The following GATA4 variants were observed in gnomAD, a reference collection of about 807,000 sequenced individuals.
The protein encoded by GATA4 is GATA binding protein 4, also known as transcription factor GATA-4.
In GATA4, 7 loss-of-function variants were observed where a neutral mutation model predicts 37.9. That is an observed-to-expected ratio of 0.18 (90% CI 0.11 to 0.35). The LOEUF is 0.35. GATA4 is among the 10% of genes least tolerant of loss of function. The pLI is 1.00. For missense variants in GATA4, 647 were observed against 653.0 expected, an observed-to-expected ratio of 0.99 and a Z score of 0.10; for synonymous variants, 372 against 292.6, an observed-to-expected ratio of 1.27 and a Z score of -2.77.
At chr8:11,704,541 A>G (rs553544433) in intron 1 of GATA4, among the ~76,000 whole-genome samples, 1 of 152,318 alleles carries the variant, frequency 6.6e-6, no homozygotes, top group African/African-American at 2.4e-5. Flanking sequence ...GCGCCTTTGG[A>G]TTCTTTCCGT....
intron 2 of GATA4, among the ~76,000 whole-genome samples, chr8:11,739,920 G>A (rs937645566): frequency 2.0e-5 from 3 of 152,194 alleles, no homozygotes; most frequent in Admixed American, 6.5e-5. Flanking sequence ...TGTGCCACCT[G>A]CCCCTTGCTC....
intron 1 of GATA4, chr8:11,706,097 T>A (rs991127951): frequency 1.3e-5 from 2 of 152,340 alleles, no homozygotes; most frequent in Non-Finnish European, 1.5e-5. Flanking sequence ...GGTCAATTTT[T>A]AAAAAAATCT....
chr8:11,706,571 A>G lies in GATA4; in HGVS notation c.-457-1285A>G, dbSNP rs116396252. 5.4e-3 allele frequency among the ~76,000 whole-genome samples: 817 copies of G among 152,360 alleles called. 13 individuals are homozygous for G. Among genetic ancestry groups the G allele is most frequent in the African/African-American group, 0.018 (766 of 41,586 alleles). On this transcript the variant is annotated intron_variant, in intron 1 of 6. Transcript: ENST00000532059. ...AGGAAACTAAGGCACAGAGAGGCTAAGTAATTTGTCTAAAGGTGTTTATTC... is the reference window on the plus strand; with the variant it reads ...AGGAAACTAAGGCACAGAGAGGCTAGGTAATTTGTCTAAAGGTGTTTATTC...
intron 2 of GATA4, among the ~76,000 whole-genome samples, chr8:11,710,264 G>A (rs1303414010): frequency 2.0e-5 from 3 of 152,128 alleles, no homozygotes; most frequent in Admixed American, 2.0e-4. Flanking sequence ...CACCCCTCTT[G>A]GGGGAGCCAG....
Position 11,730,938 on chromosome 8 carries a change from C to T in GATA4, c.617-17978C>T, listed in dbSNP as rs78693845. ...AGCTCACATTTCAGGGCATGTGGCC[C>T]AGTGCCCACTGAGGTGCAGCCCGCG... On this transcript the variant is annotated intron_variant, in intron 2 of 6. Coordinates refer to ENST00000532059, the MANE Select transcript of GATA4 (RefSeq NM_001308093.3). 6.6e-3 allele frequency among the ~76,000 whole-genome samples: 1,005 copies of T among 152,340 alleles called. 16 individuals carry two copies. The highest frequency in any genetic ancestry group is 0.023 in the African/African-American group (972 of 41,574).
At chr8:11,743,022 C>T (rs927194873) in intron 2 of GATA4, among the ~76,000 whole-genome samples, 14 of 152,228 alleles carry the variant, frequency 9.2e-5, no homozygotes, top group Middle Eastern at 3.2e-3. Flanking sequence ...ATCTCCTTGG[C>T]CCCCTCTGGC....
intron 2 of GATA4, among the ~76,000 whole-genome samples, chr8:11,741,956 G>A (rs1357649452): frequency 1.3e-5 from 2 of 152,138 alleles, no homozygotes; most frequent in Non-Finnish European, 2.9e-5. Flanking sequence ...GCTGGCCTGC[G>A]GTTAAGAGAC....
chr8:11,728,013 G>A (rs1801017598), intron 2 of GATA4, among the ~76,000 whole-genome samples: 1 of 152,148 alleles, frequency 6.6e-6, no homozygotes, highest in African/African-American at 2.4e-5. Context: ...ATTTAGAGAT[G>A]GAGTTTCACG....
upstream of GATA4, among the ~76,000 whole-genome samples, chr8:11,702,749 G>C (rs1799724727): frequency 6.6e-6 from 1 of 152,136 alleles, no homozygotes; most frequent in Admixed American, 6.5e-5. This position sits in a 1 kb window ranked among gnomAD's most constrained non-coding sequence, Gnocchi z 4.4. Context: ...CCGGGGTCTA[G>C]AGGGGCGGCT....
chr8:11,736,964 T>C (rs184255733), intron 2 of GATA4, among the ~76,000 whole-genome samples: 1 of 150,116 alleles, frequency 6.7e-6, no homozygotes, highest in East Asian at 1.9e-4. Context: ...ATTCTTATTT[T>C]TTGTTTTGTT....
chr8:11,743,726 G>C (rs149925195), intron 2 of GATA4, among the ~76,000 whole-genome samples: 1 of 152,328 alleles, frequency 6.6e-6, no homozygotes, highest in African/African-American at 2.4e-5. Context: ...CTCTGGCTGC[G>C]TCAGTTCTTT....
chr8:11,681,141 A>C (rs1186372065), intron 1 of GATA4: 1 of 984,826 alleles, frequency 1.0e-6, no homozygotes, highest in Non-Finnish European at 1.2e-6. Context: ...AGCCCAGGGA[A>C]TCTCCAGCTC....
chr8:11,701,264 A>T (rs1018242955), upstream of GATA4, among the ~76,000 whole-genome samples: 8 of 147,560 alleles, frequency 5.4e-5, no homozygotes, highest in Non-Finnish European at 8.9e-5. Flanking sequence ...AAAAAAAAAA[A>T]GTCAAAGACG....
chr8:11,756,726 C>G, intron 5 of GATA4: 1 of 634,742 alleles, frequency 1.6e-6, no homozygotes, highest in Non-Finnish European at 2.8e-6. Context: ...GCCTGAAACA[C>G]ACGTGGCCTC....
At position 11,749,133 on chromosome 8, in the gene GATA4, C is replaced by G. The variant is rs1385611642; in HGVS notation, c.786+48C>G. ...CCTCTGGGCACCTGGCTGCGGAGCT[C>G]TCGCCTTGGTGGGACATCCTCTGGT... On this transcript the variant is annotated intron_variant, in intron 3 of 6. Transcript: ENST00000532059. This position sits in a 1 kb window ranked among gnomAD's most constrained non-coding sequence, Gnocchi z 4.6. The G allele has an allele frequency of 6.3e-7, 1 of 1,598,240 alleles. No homozygotes were observed. Among genetic ancestry groups the G allele is most frequent in the Non-Finnish European group, 8.6e-7 (1 of 1,169,584 alleles).
chr8:11,698,397 G>A (rs151075437), intron 1 of GATA4, among the ~76,000 whole-genome samples: 119 of 152,284 alleles, frequency 7.8e-4, no homozygotes, highest in African/African-American at 2.8e-3. Flanking sequence ...CAGTCAATGG[G>A]AAATGAATGA....
Position 11,708,844 on chromosome 8 carries a change from G to GCCGCCT in GATA4, c.538_543dup (p.Ser180_Ala181dup), listed in dbSNP as rs1800026723. ...GGGCGCGTCCTGGGCCGCAGCCGCC[G>GCCGCCT]CCGCCTCCGCCGGCCCCTTCGACAG... is the stretch of plus-strand genomic sequence containing the variant. On this transcript the variant is annotated inframe_insertion, in exon 2 of 7. Coordinates refer to ENST00000532059, the MANE Select transcript of GATA4 (RefSeq NM_001308093.3). This position sits in a 1 kb window ranked among gnomAD's most constrained non-coding sequence, Gnocchi z 6.7. 1.3e-6 allele frequency: 2 copies of GCCGCCT among 1,497,508 alleles called. No individual in the cohort carries two copies. The highest frequency in any genetic ancestry group is 2.1e-5 in the Admixed American group (1 of 46,598). The allele number at this position is 1,497,508 out of a possible 1,614,324, so 92.8% of individuals were successfully genotyped here.
At chr8:11,717,777 A>G (rs900956159) in intron 2 of GATA4, among the ~76,000 whole-genome samples, 3 of 152,294 alleles carry the variant, frequency 2.0e-5, no homozygotes, top group Middle Eastern at 3.4e-3. Flanking sequence ...ATGTCGTCCT[A>G]CGGAATCTTC....
intron 2 of GATA4, among the ~76,000 whole-genome samples, chr8:11,711,576 G>A (rs1043475702): frequency 6.6e-6 from 1 of 152,012 alleles, no homozygotes; most frequent in Non-Finnish European, 1.5e-5. Flanking sequence ...CCAGGAGTTC[G>A]AGGTCAGCCT....
Sources: allele counts gnomAD v4.1 joint callset (sites outside exome capture counted in the v4.1 genomes callset), GRCh38; gene constraint gnomAD v4.1.1; non-coding constraint Gnocchi (gnomAD v3.1); transcripts MANE v1.5; gene names NCBI Gene and HGNC (gene_info 2026-07-23, HGNC 2026-07-21).